CAMKK1: variants seen among roughly 807,000 people sequenced by gnomAD.
CAMKK1 encodes calcium/calmodulin-dependent protein kinase kinase 1.
Under a neutral mutation model 63.5 loss-of-function variants are expected in CAMKK1, and 20 were observed. The ratio of observed to expected loss-of-function variants is 0.32; its 90% CI spans 0.22 to 0.46. The LOEUF is 0.46. CAMKK1 is among the 20% of genes least tolerant of loss of function. The probability of loss-of-function intolerance (pLI) is 1.00; values close to 1 mark genes in which losing one functional copy is unlikely to be tolerated. For missense variants in CAMKK1, 588 were observed against 658.1 expected, an observed-to-expected ratio of 0.89 and a Z score of 1.17; for synonymous variants, 253 against 269.0, an observed-to-expected ratio of 0.94 and a Z score of 0.58.
chr17:3,866,536 C>T (rs376222015), intron 14 of CAMKK1, among the ~76,000 whole-genome samples: 7 of 152,350 alleles, frequency 4.6e-5, no homozygotes, highest in African/African-American at 1.4e-4. Flanking sequence ...GGTTCCATGC[C>T]GTGCCCACAG....
intron 10 of CAMKK1, among the ~76,000 whole-genome samples, chr17:3,874,848 G>A (rs756828037): frequency 5.3e-5 from 8 of 152,008 alleles, no homozygotes; most frequent in African/African-American, 9.6e-5. Flanking sequence ...CTGGCTGGGC[G>A]TGGTGGCTCA....
intron 9 of CAMKK1, among the ~76,000 whole-genome samples, chr17:3,878,657 G>A (rs778079796): frequency 1.3e-5 from 2 of 152,068 alleles, no homozygotes; most frequent in Admixed American, 1.3e-4. Context: ...GGAGAGGCTC[G>A]AGCAGGATAA....
chr17:3,865,227 G>A (rs866427441), intron 15 of CAMKK1: 18 of 985,920 alleles, frequency 1.8e-5, no homozygotes, highest in African/African-American at 1.7e-4. Flanking sequence ...CACAGGCTTG[G>A]GGAGCTGCTT....
rs991042848 is a variant in CAMKK1 at position 3,884,591 on chromosome 17, G to GC, written c.361-165dup. Among the ~76,000 whole-genome samples, 1 of 152,184 alleles carries GC rather than the reference G, an allele frequency of 6.6e-6. No homozygotes were observed. The highest frequency in any genetic ancestry group is 1.5e-5 in the Non-Finnish European group (1 of 68,048). On this transcript the variant is annotated intron_variant, in intron 2 of 15. Transcript: ENST00000348335. The surrounding 1 kb of genome is among the most constrained non-coding windows in gnomAD (Gnocchi z 4.5). The stretch of plus-strand genomic sequence containing the variant: ...GGATGGGGAAGTTGGTGGTGCCATC[G>GC]CCCCCGTATGTGACGAGAAGACGTG...
At chr17:3,868,411 TGGGGG>T (rs2054665709) in intron 14 of CAMKK1, among the ~76,000 whole-genome samples, 1 of 114,542 alleles carries the variant, frequency 8.7e-6, no homozygotes, top group Non-Finnish European at 2.1e-5. Flanking sequence ...ATGTGGGCTC[TGGGGG>T]AGACACAGGT....
Position 3,883,323 on chromosome 17 carries a change from T to C in CAMKK1, c.514+106A>G. The C allele has an allele frequency of 6.8e-7, 1 of 1,470,778 alleles. No individual in the cohort carries two copies. The highest frequency in any genetic ancestry group is 9.5e-7 in the Non-Finnish European group (1 of 1,053,040). The allele number at this position is 1,470,778 out of a possible 1,614,324, so 91.1% of individuals were successfully genotyped here. On this transcript the variant is annotated intron_variant, in intron 5 of 15. Coordinates refer to ENST00000348335, the MANE Select transcript of CAMKK1 (RefSeq NM_032294.3). This position sits in a 1 kb window ranked among gnomAD's most constrained non-coding sequence, Gnocchi z 4.7. Reference sequence around the variant, plus strand: ...TCTGTCCCCAGGCCTCTGCTCACGCTGTCTCCCTCTCTACCCCATTCCTAG... The same window carrying C: ...TCTGTCCCCAGGCCTCTGCTCACGCCGTCTCCCTCTCTACCCCATTCCTAG...
At position 3,884,986 on chromosome 17, in the gene CAMKK1, A is replaced by G. The variant is rs1402364256; in HGVS notation, c.360+342T>C. Among the ~76,000 whole-genome samples, 1 of 152,184 alleles carries G rather than the reference A, an allele frequency of 6.6e-6. No homozygotes were observed. Among genetic ancestry groups the G allele is most frequent in the Non-Finnish European group, 1.5e-5 (1 of 68,034 alleles). ...AGTCACAGCAGACTCTAAGAGGCAGAATTAGAGGCGAGGGGTGCAAGCTGG... is the reference window on the plus strand; with the variant it reads ...AGTCACAGCAGACTCTAAGAGGCAGGATTAGAGGCGAGGGGTGCAAGCTGG... On this transcript the variant is annotated intron_variant, in intron 2 of 15. Coordinates refer to ENST00000348335, the MANE Select transcript of CAMKK1 (RefSeq NM_032294.3). The surrounding 1 kb of genome is among the most constrained non-coding windows in gnomAD (Gnocchi z 4.5).
In CAMKK1 at chr17:3,889,880, C is replaced by A. The variant is rs2055822223; in HGVS notation, c.-44+3059G>T. On this transcript the variant is annotated intron_variant, in intron 1 of 15. Coordinates refer to ENST00000348335, the MANE Select transcript of CAMKK1 (RefSeq NM_032294.3). The surrounding 1 kb of genome is among the most constrained non-coding windows in gnomAD (Gnocchi z 5.2). ...TCAAAGGAGCCCCAGAGCAGGCAGA[C>A]CCTGCTGCCATCCACGCGGGTTCAA... Among the ~76,000 whole-genome samples, 1 of 152,248 alleles carries A rather than the reference C, an allele frequency of 6.6e-6. No homozygotes were observed. Among genetic ancestry groups the A allele is most frequent in the Non-Finnish European group, 1.5e-5 (1 of 68,034 alleles).
intron 13 of CAMKK1, 63 bp downstream of exon 13, chr17:3,869,738 G>A (rs1347815238): frequency 6.2e-7 from 1 of 1,601,174 alleles, no homozygotes; most frequent in East Asian, 2.2e-5. Context: ...GATCCCTCCA[G>A]AAAGGGAAAG....
intron 14 of CAMKK1, among the ~76,000 whole-genome samples, chr17:3,869,020 G>C (rs922970805): frequency 1.1e-4 from 17 of 149,190 alleles, no homozygotes; most frequent in Admixed American, 6.8e-4. Flanking sequence ...CCAGGCTGGA[G>C]TGCAGTGGCG....
rs187386153 is a variant in CAMKK1, at chr17:3,869,118, G to A, written c.1341+369C>T. Among the ~76,000 whole-genome samples, 853 of 151,354 alleles carry A rather than the reference G, an allele frequency of 5.6e-3. 7 individuals carry two copies. Among genetic ancestry groups the A allele is most frequent in the African/African-American group, 0.019 (784 of 41,158 alleles). On this transcript the variant is annotated intron_variant, in intron 14 of 15. Coordinates refer to ENST00000348335, the MANE Select transcript of CAMKK1 (RefSeq NM_032294.3). ...CGAGTAGCTGGGACTACACGCGCCC[G>A]CCACCACGCCCAGCTAATTTTCTAT...
intron 8 of CAMKK1, 59 bp downstream of exon 8, chr17:3,881,568 G>A (rs1023811588): frequency 6.6e-7 from 1 of 1,523,946 alleles, no homozygotes; most frequent in Non-Finnish European, 8.9e-7. Context: ...GACACAGGGA[G>A]GGAAAGGAAG....
intron 2 of CAMKK1, 44 bp downstream of exon 2, chr17:3,885,284 C>A: frequency 6.5e-7 from 1 of 1,533,036 alleles, no homozygotes; most frequent in African/African-American, 1.4e-5. Context: ...TCATTGCAGA[C>A]TACTGAGGGG....
intron 10 of CAMKK1, 128 bp downstream of exon 10, chr17:3,876,094 AG>A: frequency 1.2e-6 from 1 of 866,644 alleles, no homozygotes. Flanking sequence ...TCAGGCTCCA[AG>A]GAAGAGGCAA....
chr17:3,887,791 CA>C lies in CAMKK1; in HGVS notation c.-43-2062del, dbSNP rs1466483340. 1.3e-5 allele frequency among the ~76,000 whole-genome samples: 2 copies of C among 152,092 alleles called. No homozygotes were observed. The highest frequency in any genetic ancestry group is 2.4e-5 in the African/African-American group (1 of 41,398). The stretch of plus-strand genomic sequence containing the variant: ...CGGGGAGAGCTTGGAAACCAGACAG[CA>C]TAGGAAGGAGGAAGCCAAAGCTGGG... On this transcript the variant is annotated intron_variant, in intron 1 of 15. Transcript: ENST00000348335. This position sits in a 1 kb window ranked among gnomAD's most constrained non-coding sequence, Gnocchi z 6.1.
intron 14 of CAMKK1, among the ~76,000 whole-genome samples, chr17:3,868,892 A>C (rs1021556902): frequency 6.6e-6 from 1 of 151,356 alleles, no homozygotes; most frequent in Non-Finnish European, 1.5e-5. Context: ...TGACCTCGTG[A>C]TCCACCCGCC....
At chr17:3,873,536 A>C (rs1476432649) in intron 10 of CAMKK1, 74 bp from the exon 11 acceptor site, 2 of 1,429,100 alleles carry the variant, frequency 1.4e-6, no homozygotes, top group Non-Finnish European at 2.0e-6. Flanking sequence ...AGCGGGCTGC[A>C]GGAGAGGCCT....
rs777046744 is a variant in CAMKK1, at chr17:3,862,020, C to G, written c.*191G>C. The G allele has an allele frequency of 1.4e-4, 86 of 600,066 alleles. No individual in the cohort carries two copies. Among genetic ancestry groups the G allele is most frequent in the Admixed American group, 3.1e-4 (11 of 35,056 alleles). The allele number at this position is 600,066 out of a possible 1,614,324, so 37.2% of individuals were successfully genotyped here. ...TCGTGGGAGCCCTGCCCCCAAGACC[C>G]CAAATGACATACATTCCAGTCTGTC... On this transcript the variant is annotated 3_prime_UTR_variant, in exon 16 of 16. Coordinates refer to ENST00000348335, the MANE Select transcript of CAMKK1 (RefSeq NM_032294.3). The surrounding 1 kb of genome is among the most constrained non-coding windows in gnomAD (Gnocchi z 4.1).
intron 8 of CAMKK1, among the ~76,000 whole-genome samples, chr17:3,880,783 C>CT (rs35363183): frequency 0.52 from 75,200 of 143,958 alleles, 20,276 homozygotes; most frequent in East Asian, 0.95. Context: ...GTGGCAACTG[C>CT]TTTTTTTTTT....
Sources: gnomAD v4.1 joint callset for allele counts (sites outside exome capture counted in the v4.1 genomes callset) on GRCh38, gnomAD v4.1.1 for gene constraint, Gnocchi (gnomAD v3.1) non-coding constraint, MANE v1.5 for transcripts, NCBI Gene and HGNC (gene_info 2026-07-23, HGNC 2026-07-21) for gene names.